GAS2L3: variants seen among roughly 807,000 people sequenced by gnomAD.
GAS2L3 encodes the protein GAS2-like protein 3.
GAS2L3 carries 28 observed loss-of-function variants against 37.0 expected under a neutral mutation model. The observed-to-expected ratio is 0.76, with a 90% confidence interval of 0.56 to 1.04. The LOEUF (loss-of-function observed/expected upper bound fraction) is 1.04, where lower values mean the gene tolerates loss of function less well. Among genes scored for constraint, GAS2L3 ranks in the 50% least tolerant of loss-of-function variants. The pLI, the probability that GAS2L3 is intolerant of heterozygous loss-of-function variation, is 0.00. For missense variants in GAS2L3, 793 were observed against 817.6 expected, an observed-to-expected ratio of 0.97 and a Z score of 0.37; for synonymous variants, 290 against 296.6, an observed-to-expected ratio of 0.98 and a Z score of 0.23.
chr12:100,585,575 G>C (rs544990557), intron 1 of GAS2L3, among the ~76,000 whole-genome samples: 4 of 152,240 alleles, frequency 2.6e-5, no homozygotes, highest in Admixed American at 1.3e-4. Context: ...CTTGACCCAT[G>C]TATGCTGTGT....
chr12:100,583,422 A>G (rs1955738473), intron 1 of GAS2L3, among the ~76,000 whole-genome samples: 2 of 152,244 alleles, frequency 1.3e-5, no homozygotes, highest in African/African-American at 4.8e-5. Context: ...CATTTATCAG[A>G]ATCCTTGCCC....
At chr12:100,598,897 A>T (rs971865356) in intron 3 of GAS2L3, among the ~76,000 whole-genome samples, 1 of 152,168 alleles carries the variant, frequency 6.6e-6, no homozygotes, top group Non-Finnish European at 1.5e-5. Context: ...CTCCCATTTG[A>T]TAAATCCTCA....
intron 1 of GAS2L3, chr12:100,579,627 A>G (rs901958218): frequency 5.2e-6 from 4 of 776,388 alleles, no homozygotes; most frequent in African/African-American, 3.4e-5. Context: ...CAAGAATGTT[A>G]GAAATGTCTT....
chr12:100,594,864 T>A lies in GAS2L3; in HGVS notation c.-30-11T>A, dbSNP rs761038891. 10 of 1,149,284 alleles carry A rather than the reference T, an allele frequency of 8.7e-6. No homozygotes were observed. Among genetic ancestry groups the A allele is most frequent in the Non-Finnish European group, 1.2e-5 (10 of 835,062 alleles). 71.2% of individuals were successfully genotyped at this position (1,149,284 alleles called of 1,614,324 possible). A position where few individuals can be genotyped will look rare whatever the true frequency, so the allele number is the denominator to read the frequency against. On this transcript the variant is annotated splice_polypyrimidine_tract_variant and intron_variant, in intron 2 of 9. Coordinates refer to ENST00000547754, the MANE Select transcript of GAS2L3 (RefSeq NM_174942.3). ...TGTTAACTGTATGTTAATATTTTGTTCTTTTTTCAGAAAAGAAATTTCATT... is the reference window on the plus strand; with the variant it reads ...TGTTAACTGTATGTTAATATTTTGTACTTTTTTCAGAAAAGAAATTTCATT...
rs183376126 is a variant in GAS2L3, at chr12:100,607,580, T to C, written c.304-4420T>C. The stretch of plus-strand genomic sequence containing the variant: ...TCTTAGGTTTACCCTTTTGAGGCTA[T>C]TTTCTAGATCCTTTAGGTGTGCTTC... On this transcript the variant is annotated intron_variant, in intron 5 of 9. Coordinates refer to ENST00000547754, the MANE Select transcript of GAS2L3 (RefSeq NM_174942.3). 5.4e-3 allele frequency among the ~76,000 whole-genome samples: 828 copies of C among 152,228 alleles called. 23 individuals carry two copies. Among genetic ancestry groups the C allele is most frequent in the Admixed American group, 0.048 (740 of 15,282 alleles).
chr12:100,604,180 T>G (rs1031659060), intron 5 of GAS2L3, among the ~76,000 whole-genome samples: 4 of 152,128 alleles, frequency 2.6e-5, no homozygotes, highest in African/African-American at 9.7e-5. Context: ...AATCTGTAGA[T>G]TGCTTTGAGT....
intron 1 of GAS2L3, among the ~76,000 whole-genome samples, chr12:100,577,557 ATT>A (rs1182648613): frequency 1.3e-5 from 2 of 152,180 alleles, no homozygotes; most frequent in East Asian, 3.8e-4. Context: ...AACTGTAAAC[ATT>A]TTATTTTTCT....
chr12:100,604,727 AG>A (rs745322184), intron 5 of GAS2L3, among the ~76,000 whole-genome samples: 4 of 151,914 alleles, frequency 2.6e-5, no homozygotes, highest in Admixed American at 6.6e-5. Context: ...TACTAGCTGT[AG>A]GTCTATCATC....
intron 2 of GAS2L3, among the ~76,000 whole-genome samples, chr12:100,594,161 A>T (rs557143342): frequency 6.1e-4 from 93 of 152,192 alleles, no homozygotes; most frequent in African/African-American, 2.1e-3. Context: ...AAAAAATCCT[A>T]GGTTTTTATA....
chr12:100,624,458 A>G lies in GAS2L3; in HGVS notation c.1653A>G (p.Ala551=). 6.2e-7 allele frequency: 1 copy of G among 1,614,080 alleles called. No individual in the cohort carries two copies. The highest frequency in any genetic ancestry group is 1.1e-5 in the South Asian group (1 of 91,076). ...CCCCACAAGCAAAGCCAGTCCCAGCACAGAAACTTAAATCGGCCTTGAATT... is the reference window on the plus strand; with the variant it reads ...CCCCACAAGCAAAGCCAGTCCCAGCGCAGAAACTTAAATCGGCCTTGAATT... ...DGAPQAKPVP[A]QKLKSALNLN... Residue 551 remains alanine, a synonymous_variant, in exon 10 of 10, where the codon GCA becomes GCG. Transcript: ENST00000547754.
At position 100,623,584 on chromosome 12, in the gene GAS2L3, T is replaced by C; in HGVS notation, c.779T>C (p.Met260Thr). The C allele has an allele frequency of 6.2e-7, 1 of 1,603,920 alleles. No homozygotes were observed. Residue 260 changes from methionine to threonine, a missense_variant, in exon 10 of 10, where the codon ATG (methionine) becomes ACG (threonine). Physicochemically the swap from Met to Thr is moderately conservative, Grantham distance 81. Transcript: ENST00000547754. ...FIRMLHGKHV[M>T]VRVGGGWDTL... ...CAGATGCTTCATGGAAAACATGTCATGGTTCGCGTTGGTGGAGGCTGGGAT... is the reference window on the plus strand; with the variant it reads ...CAGATGCTTCATGGAAAACATGTCACGGTTCGCGTTGGTGGAGGCTGGGAT...
chr12:100,608,449 G>T (rs1208374043), intron 5 of GAS2L3, among the ~76,000 whole-genome samples: 1 of 152,168 alleles, frequency 6.6e-6, no homozygotes, highest in African/African-American at 2.4e-5. Context: ...ATCTAGCCAG[G>T]TTTGTGTCCC....
Position 100,585,671 on chromosome 12 carries a change from T to C in GAS2L3, c.-151-6065T>C, listed in dbSNP as rs1010768652. 3.9e-5 allele frequency among the ~76,000 whole-genome samples: 6 copies of C among 152,198 alleles called. No homozygotes were observed. The South Asian group carries it at 1.0e-3, about 26-fold the overall frequency. On this transcript the variant is annotated intron_variant, in intron 1 of 9. Coordinates refer to ENST00000547754, the MANE Select transcript of GAS2L3 (RefSeq NM_174942.3). ...AATTCCCTAAGCCTGAAACAGTAGT[T>C]CTTGACACTCTGCTCTTACATTCCT... is the stretch of plus-strand genomic sequence containing the variant.
intron 1 of GAS2L3, chr12:100,579,968 G>T (rs1282915318): frequency 4.7e-6 from 4 of 850,820 alleles, no homozygotes; most frequent in Non-Finnish European, 8.3e-6. Flanking sequence ...TGTTGCCAAT[G>T]GACAAACAAC....
At chr12:100,598,016 A>T (rs1418619905) in intron 3 of GAS2L3, among the ~76,000 whole-genome samples, 3 of 152,174 alleles carry the variant, frequency 2.0e-5, no homozygotes. Flanking sequence ...AGTTAAGTGT[A>T]GTACAAAGAA....
In GAS2L3 at chr12:100,587,624, C is replaced by T. The variant is rs1022079141; in HGVS notation, c.-151-4112C>T. Reference sequence around the variant, plus strand: ...CATCTATGGACAAACCCACATCCAACGTAATGCTGAATGGGGAAAAGTTGA... The same window carrying T: ...CATCTATGGACAAACCCACATCCAATGTAATGCTGAATGGGGAAAAGTTGA... On this transcript the variant is annotated intron_variant, in intron 1 of 9. Transcript: ENST00000547754. 2.6e-5 allele frequency among the ~76,000 whole-genome samples: 4 copies of T among 152,134 alleles called. No individual in the cohort carries two copies. In the South Asian group the frequency reaches 6.2e-4, roughly 24 times the overall value.
intron 5 of GAS2L3, among the ~76,000 whole-genome samples, chr12:100,607,453 T>C (rs984229015): frequency 1.3e-5 from 2 of 152,162 alleles, no homozygotes; most frequent in Admixed American, 6.5e-5. Context: ...ACTTGAATAT[T>C]GGTATCTTTC....
chr12:100,600,191 A>G (rs1955967371), intron 3 of GAS2L3, among the ~76,000 whole-genome samples, 191 bp from the exon 4 acceptor site: 1 of 152,140 alleles, frequency 6.6e-6, no homozygotes, highest in South Asian at 2.1e-4. Flanking sequence ...GCATCACTGC[A>G]CTCTAGCCTG....
chr12:100,623,994 G>T lies in GAS2L3; in HGVS notation c.1189G>T (p.Ala397Ser), dbSNP rs762223692. 1.2e-6 allele frequency: 2 copies of T among 1,613,890 alleles called. No individual in the cohort carries two copies. Among genetic ancestry groups the T allele is most frequent in the Admixed American group, 1.7e-5 (1 of 59,986 alleles). ...AAAAGGCATAACGAAGAAACCGCAGGCTCCTTCAAACAATGCATCATCTTC... is the reference window on the plus strand; with the variant it reads ...AAAAGGCATAACGAAGAAACCGCAGTCTCCTTCAAACAATGCATCATCTTC... ...SSKGITKKPQ[A>S]PSNNASSSLA... The change falls in exon 10 of 10, where the codon GCT (alanine) becomes TCT (serine). Residue 397 changes from alanine (A) to serine (S), a missense_variant. Ala to Ser is a moderately conservative substitution (Grantham distance 99). Coordinates refer to ENST00000547754, the MANE Select transcript of GAS2L3 (RefSeq NM_174942.3).
Sources: allele counts gnomAD v4.1 joint callset (sites outside exome capture counted in the v4.1 genomes callset), GRCh38; gene constraint gnomAD v4.1.1; transcripts MANE v1.5; gene names NCBI Gene and HGNC (gene_info 2026-07-23, HGNC 2026-07-21).